The following COL28A1 variants were observed in gnomAD, a reference collection of about 807,000 sequenced individuals.
COL28A1 encodes the protein collagen type XXVIII alpha 1 chain.
A neutral mutation model predicts 150.2 loss-of-function variants in COL28A1; 161 were observed. That is an observed-to-expected ratio of 1.07 (90% CI 0.94 to 1.22). The LOEUF (loss-of-function observed/expected upper bound fraction) is 1.22. COL28A1 is among the 50% of genes most tolerant of loss of function. The pLI, the probability that COL28A1 is intolerant of heterozygous loss-of-function variation, is 0.00. For missense variants in COL28A1, 1,617 were observed against 1,388.3 expected (o/e 1.16, Z -2.62); for synonymous variants, 552 against 469.7 (o/e 1.18, Z -2.26).
intron 14 of COL28A1, among the ~76,000 whole-genome samples, chr7:7,475,500 T>G (rs1004559208): frequency 1.3e-5 from 2 of 152,182 alleles, no homozygotes; most frequent in African/African-American, 4.8e-5. Flanking sequence ...GTTCTTTCTT[T>G]GATGAGATAG....
Position 7,456,209 on chromosome 7 carries a change from T to G in COL28A1, c.1303-97A>C. 2.8e-6 allele frequency: 4 copies of G among 1,405,580 alleles called. No individual in the cohort carries two copies. The East Asian group carries it at 7.7e-5, about 27-fold the overall frequency. The allele number at this position is 1,405,580 out of a possible 1,614,324, so 87.1% of individuals were successfully genotyped here. On this transcript the variant is annotated intron_variant, in intron 15 of 34. Coordinates refer to ENST00000399429, the MANE Select transcript of COL28A1 (RefSeq NM_001037763.3). ...AATTGGGCTGTGTTAAAATCTATCT[T>G]TATACTATAAAAAAAATTCAACATG...
At position 7,481,265 on chromosome 7, in the gene COL28A1, G is replaced by C. The variant is rs941806884; in HGVS notation, c.1165-4085C>G. ...TATTCAAAGCTGCTGAGAACGGAGA[G>C]TTAATGCTCATGGACAGTCTTTTAG... On this transcript the variant is annotated intron_variant, in intron 13 of 34. Coordinates refer to ENST00000399429, the MANE Select transcript of COL28A1 (RefSeq NM_001037763.3). Among the ~76,000 whole-genome samples, 4 of 152,200 alleles carry C rather than the reference G, an allele frequency of 2.6e-5. No homozygotes were observed. In the East Asian group the frequency reaches 7.7e-4, roughly 29 times the overall value.
At chr7:7,365,439 G>A (rs572150654) in intron 33 of COL28A1, among the ~76,000 whole-genome samples, 112 of 152,208 alleles carry the variant, frequency 7.4e-4, no homozygotes, top group African/African-American at 2.6e-3. Context: ...GGGCTGCTCC[G>A]TGTAGCTGGA....
rs1209711372 is a variant in COL28A1 at position 7,360,292 on chromosome 7, T to C, written c.3205+98A>G. The C allele has an allele frequency of 3.3e-6, 4 of 1,208,766 alleles. No homozygotes were observed. In the South Asian group the frequency reaches 5.9e-5, roughly 18 times the overall value. 74.9% of individuals were successfully genotyped at this position (1,208,766 alleles called of 1,614,324 possible). On this transcript the variant is annotated intron_variant, in intron 34 of 34. Transcript: ENST00000399429. ...CCCTGTGCCTTCCTCACATTGTAGA[T>C]ACAGTAGCAGATTGGCAGATCTCTC...
intron 33 of COL28A1, among the ~76,000 whole-genome samples, chr7:7,361,749 C>T (rs945973028): frequency 3.3e-5 from 4 of 122,100 alleles, no homozygotes; most frequent in Non-Finnish European, 5.1e-5. Flanking sequence ...TTTATTGCAG[C>T]ACTACTCACA....
chr7:7,395,550 T>C (rs1048931409), intron 27 of COL28A1, among the ~76,000 whole-genome samples: 1 of 152,214 alleles, frequency 6.6e-6, no homozygotes, highest in Non-Finnish European at 1.5e-5. Flanking sequence ...TGCAGTCCTG[T>C]GTGATAAATC....
chr7:7,474,903 TAGCATCCCTGA>T (rs1168395208), intron 14 of COL28A1, among the ~76,000 whole-genome samples: 4 of 152,168 alleles, frequency 2.6e-5, no homozygotes, highest in Non-Finnish European at 5.9e-5. Context: ...AACACATATG[TAGCATCCCTGA>T]AGTTAGAAAA....
intron 18 of COL28A1, among the ~76,000 whole-genome samples, chr7:7,449,809 A>G (rs931928299): frequency 6.6e-6 from 1 of 152,046 alleles, no homozygotes; most frequent in Non-Finnish European, 1.5e-5. Flanking sequence ...CTAAAAAAAT[A>G]CAAGACCTTT....
chr7:7,383,380 G>A (rs1781992575), intron 27 of COL28A1, among the ~76,000 whole-genome samples: 1 of 151,190 alleles, frequency 6.6e-6, no homozygotes, highest in Admixed American at 6.6e-5. Flanking sequence ...TCAAGTTCAA[G>A]CGATTCTCCT....
chr7:7,444,007 T>TTTG (rs1554274072), intron 19 of COL28A1, among the ~76,000 whole-genome samples: 1 of 148,720 alleles, frequency 6.7e-6, no homozygotes, highest in African/African-American at 2.5e-5. Context: ...TTTTTTTTTT[T>TTTG]GCTACTTTTA....
At position 7,443,598 on chromosome 7, in the gene COL28A1, T is replaced by C. The variant is rs1446447127; in HGVS notation, c.1637A>G (p.Gln546Arg). The C allele has an allele frequency of 1.9e-6, 3 of 1,614,174 alleles. No homozygotes were observed. Among genetic ancestry groups the C allele is most frequent in the Non-Finnish European group, 1.7e-6 (2 of 1,180,022 alleles). The change falls in exon 20 of 35, where the codon CAG becomes CGG. Residue 546 changes from glutamine (Q) to arginine (R), a missense_variant. Gln to Arg is a conservative substitution (Grantham distance 43, BLOSUM62 1). Coordinates refer to ENST00000399429, the MANE Select transcript of COL28A1 (RefSeq NM_001037763.3). The stretch of plus-strand genomic sequence containing the variant: ...TCATTTCCATACCTTGGGGCCAGGC[T>C]GTCCTTTTCCAGGTGGTCCTTCTGG... ...RGPEGPPGKG[Q>R]PGPKGDEGKK...
chr7:7,371,864 G>T (rs1440729153), intron 32 of COL28A1, among the ~76,000 whole-genome samples: 1 of 151,838 alleles, frequency 6.6e-6, no homozygotes, highest in African/African-American at 2.4e-5. Context: ...ACAGAGTCTC[G>T]CTCTGTCGCC....
rs1210985471 is a variant in COL28A1 at position 7,373,566 on chromosome 7, A to G, written c.2360-20T>C. 1 of 1,591,670 alleles carries G rather than the reference A, an allele frequency of 6.3e-7. No homozygotes were observed. The highest frequency in any genetic ancestry group is 8.6e-7 in the Non-Finnish European group (1 of 1,169,144). On this transcript the variant is annotated intron_variant, in intron 31 of 34. Transcript: ENST00000399429. This position sits in a 1 kb window ranked among gnomAD's most constrained non-coding sequence, Gnocchi z 4.1. ...CACAACCTAAAAGATGAATGTTGAG[A>G]GAGAAAAATTGTGGGAATGATTGAC...
At chr7:7,400,687 TAA>T (rs34102862) in intron 27 of COL28A1, among the ~76,000 whole-genome samples, 24,090 of 146,220 alleles carry the variant, frequency 0.16, 6,363 homozygotes, top group African/African-American at 0.55. Flanking sequence ...TCTCCCAGCT[TAA>T]AAAAAAAAAA....
At chr7:7,414,079 A>G (rs1011485412) in intron 27 of COL28A1, among the ~76,000 whole-genome samples, 1 of 152,106 alleles carries the variant, frequency 6.6e-6, no homozygotes, top group African/African-American at 2.4e-5. Context: ...AGAAATGAAG[A>G]ATGGGGAGAA....
intron 11 of COL28A1, among the ~76,000 whole-genome samples, chr7:7,491,546 T>G (rs1035547413): frequency 2.0e-5 from 3 of 152,244 alleles, no homozygotes; most frequent in African/African-American, 7.2e-5. Context: ...TATTCAAGAT[T>G]TCTGTTACTC....
chr7:7,461,035 G>T (rs894766286), intron 15 of COL28A1, among the ~76,000 whole-genome samples: 3 of 152,194 alleles, frequency 2.0e-5, no homozygotes, highest in Admixed American at 6.5e-5. Flanking sequence ...ACTTGCTGAA[G>T]GGAATGGATT....
chr7:7,436,462 C>A lies in COL28A1; in HGVS notation c.1793G>T (p.Gly598Val), dbSNP rs760377511. ...AGGTATCCCAGGTCCTCCTCTATCT[C>A]CCTGTACATTTCAAATAACATTTCA... ...TSIPGPPGPKGDRGGPGIPGF... is the reference protein window; with the variant it reads ...TSIPGPPGPKVDRGGPGIPGF... Residue 598 changes from glycine (G) to valine (V), a missense_variant and splice_region_variant, in exon 23 of 35, where the codon GGA (glycine) becomes GTA (valine). Transcript: ENST00000399429. The A allele has an allele frequency of 1.5e-6, 2 of 1,311,394 alleles. No homozygotes were observed. Among genetic ancestry groups the A allele is most frequent in the East Asian group, 4.6e-5 (2 of 43,476 alleles). The allele number at this position is 1,311,394 out of a possible 1,614,324, so 81.2% of individuals were successfully genotyped here. A position where few individuals can be genotyped will look rare whatever the true frequency, so the allele number is the denominator to read the frequency against.
rs900449069 is a variant in COL28A1, at chr7:7,374,874, C to T, written c.2359+587G>A. Among the ~76,000 whole-genome samples the T allele has an allele frequency of 3.2e-4, 48 of 152,330 alleles. 1 individual carries two copies. Among genetic ancestry groups the T allele is most frequent in the African/African-American group, 1.0e-3 (42 of 41,574 alleles). The stretch of plus-strand genomic sequence containing the variant: ...CTTTAAACCCAGAAGATTCTCCCAT[C>T]ATTATTCCATTAGTCTCTTGTCTTT... On this transcript the variant is annotated intron_variant, in intron 31 of 34. Transcript: ENST00000399429.
Sources: allele counts gnomAD v4.1 joint callset (sites outside exome capture counted in the v4.1 genomes callset), GRCh38; gene constraint gnomAD v4.1.1; non-coding constraint Gnocchi (gnomAD v3.1); transcripts MANE v1.5; gene names NCBI Gene and HGNC (gene_info 2026-07-23, HGNC 2026-07-21).